Variants in CHD5 observed in about 807,000 individuals in gnomAD.
CHD5 encodes the protein ATP-dependent chromatin remodeler CHD5.
A neutral mutation model predicts 230.3 loss-of-function variants in CHD5; 69 were observed. The ratio of observed to expected loss-of-function variants is 0.30; its 90% CI spans 0.25 to 0.37. The LOEUF is 0.37. Ranked by LOEUF, CHD5 falls within the 10% of genes least tolerant of loss-of-function variation. The pLI, the probability that CHD5 is intolerant of heterozygous loss-of-function variation, is 1.00. For synonymous variants in CHD5, 1,064 were observed against 1,065.9 expected (o/e 1.00, Z 0.03); for missense variants, 1,827 against 2,622.8 (o/e 0.70, Z 6.63).
At chr1:6,170,253 T>C (rs1012450019) in intron 1 of CHD5, among the ~76,000 whole-genome samples, 5 of 152,020 alleles carry the variant, frequency 3.3e-5, no homozygotes, top group African/African-American at 7.2e-5. Context: ...CAGACATGCA[T>C]GTGCACCCAA....
Position 6,130,477 on chromosome 1 carries a change from G to A in CHD5, c.3263-149C>T. ...GCCGGAGACCCCATCAGAGACGGGT[G>A]GCCACAGCTGCACTCAGGGGAGCCA... On this transcript the variant is annotated intron_variant, in intron 21 of 41. Transcript: ENST00000262450. The surrounding 1 kb of genome is among the most constrained non-coding windows in gnomAD (Gnocchi z 4.9). 1 of 751,568 alleles carries A rather than the reference G, an allele frequency of 1.3e-6. No homozygotes were observed. Among genetic ancestry groups the A allele is most frequent in the South Asian group, 1.8e-5 (1 of 55,126 alleles). 46.6% of individuals were successfully genotyped at this position (751,568 alleles called of 1,614,324 possible). A position where few individuals can be genotyped will look rare whatever the true frequency, so the allele number is the denominator to read the frequency against.
chr1:6,150,409 G>A lies in CHD5; in HGVS notation c.994+623C>T, dbSNP rs1004896960. On this transcript the variant is annotated intron_variant, in intron 7 of 41. Coordinates refer to ENST00000262450, the MANE Select transcript of CHD5 (RefSeq NM_015557.3). ...GGATGGATGGATGGATGGATGGATG[G>A]ACAAGTGGATGGATGGATGATAGGA... is the stretch of plus-strand genomic sequence containing the variant. Among the ~76,000 whole-genome samples the A allele has an allele frequency of 3.3e-4, 49 of 147,902 alleles. 1 individual carries two copies. Among genetic ancestry groups the A allele is most frequent in the African/African-American group, 1.1e-3 (45 of 39,314 alleles).
At position 6,142,665 on chromosome 1, in the gene CHD5, A is replaced by G. The variant is rs1005872920; in HGVS notation, c.2044-60T>C. 11 of 1,527,610 alleles carry G rather than the reference A, an allele frequency of 7.2e-6. No individual in the cohort carries two copies. The highest frequency in any genetic ancestry group is 2.3e-5 in the East Asian group (1 of 44,092). The allele number at this position is 1,527,610 out of a possible 1,614,324, so 94.6% of individuals were successfully genotyped here. ...ATCCTGGGCCACCAGAGTCCACACT[A>G]CAGGCCTTTGCACATGCAATTCCTT... On this transcript the variant is annotated intron_variant, in intron 13 of 41. Coordinates refer to ENST00000262450, the MANE Select transcript of CHD5 (RefSeq NM_015557.3). The surrounding 1 kb of genome is among the most constrained non-coding windows in gnomAD (Gnocchi z 5.2).
intron 17 of CHD5, 86 bp from the exon 18 acceptor site, chr1:6,135,489 G>C: frequency 8.1e-7 from 1 of 1,237,498 alleles, no homozygotes; most frequent in East Asian, 2.4e-5. Flanking sequence ...CATGTAGGCC[G>C]GCTAGCTGGT....
chr1:6,131,438 A>G lies in CHD5; in HGVS notation c.3262+193T>C, dbSNP rs1454541841. On this transcript the variant is annotated intron_variant, in intron 21 of 41. Coordinates refer to ENST00000262450, the MANE Select transcript of CHD5 (RefSeq NM_015557.3). This position sits in a 1 kb window ranked among gnomAD's most constrained non-coding sequence, Gnocchi z 5.0. ...ACTCCATTCCCAACAGGTGTTATCT[A>G]CTGGGCCCCTCAGAACTCCGATTCC... 6.6e-6 allele frequency among the ~76,000 whole-genome samples: 1 copy of G among 152,190 alleles called. No individual in the cohort carries two copies. Among genetic ancestry groups the G allele is most frequent in the Non-Finnish European group, 1.5e-5 (1 of 68,026 alleles).
chr1:6,146,951 T>C lies in CHD5; in HGVS notation c.1384-80A>G, dbSNP rs527986540. ...AGGCTCCCATGACAGCAGGCTGCCA[T>C]GCAGGCTCCCTCCCATCAGTGCCAC... On this transcript the variant is annotated intron_variant, in intron 9 of 41. Coordinates refer to ENST00000262450, the MANE Select transcript of CHD5 (RefSeq NM_015557.3). The surrounding 1 kb of genome is among the most constrained non-coding windows in gnomAD (Gnocchi z 5.1). The C allele has an allele frequency of 1.1e-3, 1,203 of 1,124,724 alleles. 2 individuals carry two copies. The highest frequency in any genetic ancestry group is 7.3e-3 in the Middle Eastern group (24 of 3,294). 69.7% of individuals were successfully genotyped at this position (1,124,724 alleles called of 1,614,324 possible). A position where few individuals can be genotyped will look rare whatever the true frequency, so the allele number is the denominator to read the frequency against.
intron 1 of CHD5, among the ~76,000 whole-genome samples, chr1:6,169,269 C>A (rs1034762518): frequency 5.3e-5 from 8 of 152,226 alleles, no homozygotes; most frequent in African/African-American, 1.7e-4. Flanking sequence ...CAACGGGAAG[C>A]CAAGCGCATT....
intron 7 of CHD5, among the ~76,000 whole-genome samples, chr1:6,150,219 T>C (rs1571161302): frequency 6.9e-6 from 1 of 145,984 alleles, no homozygotes; most frequent in East Asian, 2.1e-4. Flanking sequence ...AACCAATGAA[T>C]GGATAATGGA....
In CHD5 at chr1:6,125,378, C is replaced by G; in HGVS notation, c.4261-145G>C. The G allele has an allele frequency of 5.8e-6, 7 of 1,214,838 alleles. No homozygotes were observed. The highest frequency in any genetic ancestry group is 8.0e-6 in the Non-Finnish European group (7 of 871,316). The allele number at this position is 1,214,838 out of a possible 1,614,324, so 75.3% of individuals were successfully genotyped here. ...GCAGGGGCCTCCACCTGGGGCAGGA[C>G]CCTGACGGCGAAGACCAGACCAAGT... On this transcript the variant is annotated intron_variant, in intron 28 of 41. Coordinates refer to ENST00000262450, the MANE Select transcript of CHD5 (RefSeq NM_015557.3). This position sits in a 1 kb window ranked among gnomAD's most constrained non-coding sequence, Gnocchi z 6.7.
intron 2 of CHD5, among the ~76,000 whole-genome samples, chr1:6,161,830 G>A (rs1187394200): frequency 6.6e-6 from 1 of 152,216 alleles, no homozygotes; most frequent in Non-Finnish European, 1.5e-5. Context: ...ACCACGGACA[G>A]AGGCTGGGGC....
Position 6,110,514 on chromosome 1 carries a change from G to C in CHD5, c.5262C>G (p.Ala1754=). ...LLAGIVTHGY[A]RWQDIQNDPR... ...GGTCATTCTGGATGTCCTGCCAGCGGGCGTAGCCGTGCCTGGGTGGGGCAC... is the reference window on the plus strand; with the variant it reads ...GGTCATTCTGGATGTCCTGCCAGCGCGCGTAGCCGTGCCTGGGTGGGGCAC... Residue 1754 remains alanine (A), a synonymous_variant, in exon 37 of 42, where the codon GCC becomes GCG. Coordinates refer to ENST00000262450, the MANE Select transcript of CHD5 (RefSeq NM_015557.3). The C allele has an allele frequency of 6.2e-7, 1 of 1,613,826 alleles. No homozygotes were observed. The highest frequency in any genetic ancestry group is 8.5e-7 in the Non-Finnish European group (1 of 1,179,986).
At chr1:6,110,104 G>T in intron 37 of CHD5, 114 bp from the exon 38 acceptor site, 3 of 1,076,518 alleles carry the variant, frequency 2.8e-6, no homozygotes, top group Non-Finnish European at 3.9e-6. Context: ...GAAAGAGGAC[G>T]TACTGCCATC....
chr1:6,152,192 AG>A (rs1403198685), intron 6 of CHD5, among the ~76,000 whole-genome samples: 1 of 152,186 alleles, frequency 6.6e-6, no homozygotes, highest in African/African-American at 2.4e-5. Context: ...CCAGGCTAGA[AG>A]GGCCCTTGGA....
chr1:6,113,125 C>T (rs1666319740), intron 33 of CHD5, 127 bp from the exon 34 acceptor site: 2 of 690,502 alleles, frequency 2.9e-6, no homozygotes, highest in East Asian at 2.6e-5. Flanking sequence ...ACAGGTGCCA[C>T]CAAAAAGAGC....
Position 6,106,247 on chromosome 1 carries a change from G to C in CHD5, c.*33C>G. 6.2e-7 allele frequency: 1 copy of C among 1,612,748 alleles called. No homozygotes were observed. The highest frequency in any genetic ancestry group is 8.5e-7 in the Non-Finnish European group (1 of 1,179,914). On this transcript the variant is annotated 3_prime_UTR_variant, in exon 41 of 42. Coordinates refer to ENST00000262450, the MANE Select transcript of CHD5 (RefSeq NM_015557.3). Reference sequence around the variant, plus strand: ...AGCAGCCCTCACCTCAGCTGGAAATGAGCGCTGCAACACAGGGAAGTCTCG... The same window carrying C: ...AGCAGCCCTCACCTCAGCTGGAAATCAGCGCTGCAACACAGGGAAGTCTCG...
chr1:6,113,240 T>G (rs547375202), intron 33 of CHD5: 100 of 490,622 alleles, frequency 2.0e-4, no homozygotes, highest in African/African-American at 1.6e-3. Context: ...CCTGGCAACA[T>G]AGTGAAATCT....
At position 6,112,241 on chromosome 1, in the gene CHD5, G is replaced by A. The variant is rs770372437; in HGVS notation, c.5039C>T (p.Thr1680Ile). Residue 1680 changes from threonine to isoleucine, a missense_variant, in exon 35 of 42, where the codon ACA (threonine) becomes ATA (isoleucine). By Grantham distance (89) the Thr-to-Ile change is moderately conservative. Around this residue, in one of 14 missense-constraint regions of CHD5, gnomAD observed 272 missense variants for 263.2 expected, o/e 1.03. Transcript: ENST00000262450. ...TTCCTCTTTGTCACCATTTTGCTGT[G>A]TTTCAATGGGCTCCTTCTCCTCAGC... Reference protein sequence around the residue: ...TKAEEKEPIETQQNGDKEEDD... With the variant: ...TKAEEKEPIEIQQNGDKEEDD... 1.9e-6 allele frequency: 3 copies of A among 1,614,118 alleles called. No individual in the cohort carries two copies. The highest frequency in any genetic ancestry group is 1.7e-6 in the Non-Finnish European group (2 of 1,180,028).
Position 6,154,731 on chromosome 1 carries a change from G to T in CHD5, c.674C>A (p.Pro225Gln). The T allele has an allele frequency of 6.2e-7, 1 of 1,610,146 alleles. No homozygotes were observed. The highest frequency in any genetic ancestry group is 1.1e-5 in the South Asian group (1 of 90,774). The stretch of plus-strand genomic sequence containing the variant: ...CACCTGCGGGGGGCTGACGGCTAGC[G>T]GAGGGGAGATGGTGACCGTCTCTAC... ...AAVETVTISP[P>Q]LAVSPPQVPQ... The change falls in exon 5 of 42, where the codon CCG becomes CAG. Residue 225 changes from proline (P) to glutamine (Q), a missense_variant. Pro to Gln is a moderately conservative substitution (Grantham distance 76, BLOSUM62 -1). Transcript: ENST00000262450. The surrounding 1 kb of genome is among the most constrained non-coding windows in gnomAD (Gnocchi z 7.0).
At chr1:6,140,768 G>A (rs188405259) in intron 15 of CHD5, among the ~76,000 whole-genome samples, 3 of 152,094 alleles carry the variant, frequency 2.0e-5, no homozygotes, top group Non-Finnish European at 4.4e-5. Context: ...GGGAGGCTGA[G>A]GCAGGAGGAT....
Sources: allele counts gnomAD v4.1 joint callset (sites outside exome capture counted in the v4.1 genomes callset), GRCh38; gene constraint gnomAD v4.1.1; regional missense constraint gnomAD v4.1.1; non-coding constraint Gnocchi (gnomAD v3.1); transcripts MANE v1.5; gene names NCBI Gene and HGNC (gene_info 2026-07-23, HGNC 2026-07-21).